The following DMXL1 variants were observed in gnomAD, a reference collection of about 807,000 sequenced individuals.
DMXL1 encodes Dmx like 1, also known as dmX-like protein 1.
In DMXL1, 99 loss-of-function variants were observed where a neutral mutation model predicts 319.2. The ratio of observed to expected loss-of-function variants is 0.31; its 90% CI spans 0.26 to 0.37. The LOEUF is 0.37. Ranked by LOEUF, DMXL1 falls within the 10% of genes least tolerant of loss-of-function variation. The pLI, the probability that DMXL1 is intolerant of heterozygous loss-of-function variation, is 1.00. For missense variants in DMXL1, 3,745 were observed against 3,595.6 expected, an observed-to-expected ratio of 1.04 and a Z score of -1.06; for synonymous variants, 1,385 against 1,235.2, an observed-to-expected ratio of 1.12 and a Z score of -2.54.
chr5:119,206,029 C>T (rs1370808466), intron 33 of DMXL1, among the ~76,000 whole-genome samples: 5 of 152,032 alleles, frequency 3.3e-5, no homozygotes. Flanking sequence ...ACAGTTTCTT[C>T]ATCTGACCCT....
chr5:119,110,463 T>A (rs545085295), intron 5 of DMXL1, among the ~76,000 whole-genome samples, 180 bp downstream of exon 5: 31 of 152,350 alleles, frequency 2.0e-4, no homozygotes, highest in African/African-American at 5.8e-4. Flanking sequence ...ATACATTTTT[T>A]AAAAATGTCA....
intron 5 of DMXL1, among the ~76,000 whole-genome samples, chr5:119,110,632 A>G (rs906838784): frequency 1.3e-5 from 2 of 152,246 alleles, no homozygotes; most frequent in African/African-American, 2.4e-5. Flanking sequence ...TATATTGAAC[A>G]TAATCCTTGC....
intron 34 of DMXL1, among the ~76,000 whole-genome samples, chr5:119,216,612 G>A (rs1295793178): frequency 6.6e-6 from 1 of 152,166 alleles, no homozygotes; most frequent in East Asian, 1.9e-4. Flanking sequence ...ATTAGAATGT[G>A]TTGATCCTTT....
intron 3 of DMXL1, among the ~76,000 whole-genome samples, chr5:119,103,428 T>A (rs1340265181): frequency 6.6e-6 from 1 of 152,214 alleles, no homozygotes; most frequent in African/African-American, 2.4e-5. Flanking sequence ...TTCTTCTTTT[T>A]ATGAATAAGG....
In DMXL1 at chr5:119,143,924, C is replaced by A; in HGVS notation, c.2460C>A (p.Thr820=). 1.3e-6 allele frequency: 2 copies of A among 1,562,996 alleles called. No homozygotes were observed. Among genetic ancestry groups the A allele is most frequent in the South Asian group, 1.2e-5 (1 of 81,158 alleles). Reference sequence around the variant, plus strand: ...GCATTATTGCATTAGATCCCATTACCAAACTTGTAAGTATTAATTTTGGGG... The same window carrying A: ...GCATTATTGCATTAGATCCCATTACAAAACTTGTAAGTATTAATTTTGGGG... The part of the protein sequence containing the change: ...PGCIIALDPI[T]KLHGRKTQLL... The change falls in exon 14 of 44, where the codon ACC becomes ACA. Residue 820 remains threonine (T), a synonymous_variant. Coordinates refer to ENST00000539542, the MANE Select transcript of DMXL1 (RefSeq NM_001290321.3).
chr5:119,115,188 A>C (rs977537602), intron 6 of DMXL1, among the ~76,000 whole-genome samples: 5 of 152,234 alleles, frequency 3.3e-5, no homozygotes, highest in African/African-American at 7.2e-5. Flanking sequence ...CGTAGGATTA[A>C]TTTAGACAAT....
intron 1 of DMXL1, among the ~76,000 whole-genome samples, chr5:119,077,894 C>T (rs999914019): frequency 3.5e-4 from 50 of 143,002 alleles, no homozygotes; most frequent in African/African-American, 6.5e-4. Context: ...TATACACACA[C>T]ACACACGTAT....
intron 30 of DMXL1, 38 bp from the exon 31 acceptor site, chr5:119,196,332 TA>T: frequency 6.7e-7 from 1 of 1,496,970 alleles, no homozygotes; most frequent in South Asian, 1.1e-5. Flanking sequence ...TAAATCCCTA[TA>T]GAAATAGTTA....
chr5:119,137,915 G>C (rs894982784), intron 13 of DMXL1, among the ~76,000 whole-genome samples: 1 of 152,214 alleles, frequency 6.6e-6, no homozygotes, highest in Non-Finnish European at 1.5e-5. Flanking sequence ...AATAGTCAGG[G>C]ATAAAGTCGG....
intron 26 of DMXL1, 37 bp downstream of exon 26, chr5:119,175,374 G>A: frequency 1.4e-6 from 2 of 1,446,924 alleles, no homozygotes; most frequent in Non-Finnish European, 1.9e-6. Flanking sequence ...AATGCTTACA[G>A]TAAGCAATGA....
chr5:119,155,996 A>G (rs1770963909), intron 19 of DMXL1, among the ~76,000 whole-genome samples: 1 of 152,224 alleles, frequency 6.6e-6, no homozygotes, highest in Non-Finnish European at 1.5e-5. Flanking sequence ...TTGATAGAGC[A>G]TTGGCAGGGT....
intron 9 of DMXL1, among the ~76,000 whole-genome samples, chr5:119,123,117 A>G (rs919282397): frequency 9.2e-5 from 14 of 152,120 alleles, no homozygotes; most frequent in Admixed American, 8.5e-4. Flanking sequence ...CCCGGCCAAC[A>G]CAGCGAAATC....
rs144768533 is a variant in DMXL1 at position 119,149,272 on chromosome 5, G to A, written c.3445G>A (p.Asp1149Asn). 1.2e-5 allele frequency: 19 copies of A among 1,613,856 alleles called. No individual in the cohort carries two copies. The highest frequency in any genetic ancestry group is 1.6e-5 in the Non-Finnish European group (19 of 1,179,914). The change falls in exon 18 of 44, where the codon GAC becomes AAC. Residue 1149 changes from aspartate to asparagine, a missense_variant. Coordinates refer to ENST00000539542, the MANE Select transcript of DMXL1 (RefSeq NM_001290321.3). ...TCACTTAGATTGGATGTCTAGAGAA[G>A]ACGGTTCTCATATCCTGACTGTAGG... is the stretch of plus-strand genomic sequence containing the variant. ...LVHLDWMSRE[D>N]GSHILTVGIG... is the part of the protein sequence containing the mutation.
At chr5:119,151,851 T>A (rs1769869917) in intron 18 of DMXL1, 78 bp from the exon 19 acceptor site, 1 of 816,434 alleles carries the variant, frequency 1.2e-6, no homozygotes, top group Non-Finnish European at 2.0e-6. Flanking sequence ...AGGTTAAGAA[T>A]GTTATATGCC....
At chr5:119,074,840 T>C (rs1251026650) in intron 1 of DMXL1, among the ~76,000 whole-genome samples, 1 of 152,336 alleles carries the variant, frequency 6.6e-6, no homozygotes, top group South Asian at 2.1e-4. Context: ...TGTTTAAACC[T>C]AACAGTAAGG....
At chr5:119,137,744 T>G (rs537139454) in intron 13 of DMXL1, among the ~76,000 whole-genome samples, 102 of 152,330 alleles carry the variant, frequency 6.7e-4, no homozygotes, top group African/African-American at 2.3e-3. Flanking sequence ...CCGCCATGAT[T>G]GTAAGTTTCC....
At chr5:119,204,539 C>G (rs1781420563) in intron 33 of DMXL1, among the ~76,000 whole-genome samples, 1 of 149,040 alleles carries the variant, frequency 6.7e-6, no homozygotes, top group Non-Finnish European at 1.5e-5. Flanking sequence ...TTGCTTATAC[C>G]TTGATATTAT....
intron 23 of DMXL1, among the ~76,000 whole-genome samples, chr5:119,168,250 T>C (rs1276852400): frequency 2.0e-5 from 3 of 152,208 alleles, no homozygotes; most frequent in Non-Finnish European, 4.4e-5. Flanking sequence ...ACTTAAGTGA[T>C]GTGATAAGAA....
chr5:119,121,202 G>A (rs941097501), intron 9 of DMXL1, 63 bp downstream of exon 9: 7 of 1,352,150 alleles, frequency 5.2e-6, no homozygotes, highest in African/African-American at 1.5e-5. Context: ...TAACAACTAA[G>A]TTATACTTTT....
Sources: allele counts gnomAD v4.1 joint callset (sites outside exome capture counted in the v4.1 genomes callset), GRCh38; gene constraint gnomAD v4.1.1; transcripts MANE v1.5; gene names NCBI Gene and HGNC (gene_info 2026-07-23, HGNC 2026-07-21).